ASIC2: variants seen among roughly 807,000 people sequenced by gnomAD.
The protein encoded by ASIC2 is acid sensing ion channel subunit 2, also known as acid-sensing ion channel 2.
In ASIC2, 25 loss-of-function variants were observed where a neutral mutation model predicts 57.3. That is an observed-to-expected ratio of 0.44 (90% CI 0.32 to 0.61). ASIC2 has a LOEUF of 0.61. ASIC2 is among the 20% of genes least tolerant of loss of function. ASIC2 has a pLI of 0.06. For missense variants in ASIC2, 641 were observed against 738.1 expected (o/e 0.87, Z 1.52); for synonymous variants, 319 against 307.5 (o/e 1.04, Z -0.39).
chr17:34,084,282 C>A (rs1464620483), intron 1 of ASIC2, among the ~76,000 whole-genome samples: 2 of 152,088 alleles, frequency 1.3e-5, no homozygotes, highest in African/African-American at 2.4e-5. Flanking sequence ...GTTTTCCCAG[C>A]ACCATTTATT....
intron 1 of ASIC2, among the ~76,000 whole-genome samples, chr17:34,030,815 C>G (rs1304106351): frequency 6.6e-6 from 1 of 152,170 alleles, no homozygotes; most frequent in African/African-American, 2.4e-5. Context: ...GGGAGGGGCA[C>G]CCGCAATTGC....
At chr17:33,552,028 T>C (rs1915767171) in intron 1 of ASIC2, among the ~76,000 whole-genome samples, 1 of 152,104 alleles carries the variant, frequency 6.6e-6, no homozygotes, top group Non-Finnish European at 1.5e-5. Flanking sequence ...CTTCAGACAG[T>C]CGGGATGGGC....
intron 1 of ASIC2, among the ~76,000 whole-genome samples, chr17:33,368,645 C>T (rs972047710): frequency 2.1e-4 from 32 of 152,198 alleles, no homozygotes; most frequent in African/African-American, 6.5e-4. Flanking sequence ...TTTCTACTTT[C>T]CATGTTACCA....
At chr17:33,519,289 G>A (rs377617873) in intron 1 of ASIC2, among the ~76,000 whole-genome samples, 46 of 152,274 alleles carry the variant, frequency 3.0e-4, no homozygotes, top group African/African-American at 1.0e-3. Flanking sequence ...GAAGCAGAGC[G>A]GCTCTGGTGG....
intron 1 of ASIC2, among the ~76,000 whole-genome samples, chr17:33,723,110 T>C (rs886752536): frequency 1.3e-5 from 2 of 152,166 alleles, no homozygotes; most frequent in African/African-American, 4.8e-5. Flanking sequence ...CAAAGCTGAA[T>C]ACTGAATACA....
intron 1 of ASIC2, among the ~76,000 whole-genome samples, chr17:33,469,471 A>G (rs1912970777): frequency 6.6e-6 from 1 of 152,212 alleles, no homozygotes; most frequent in African/African-American, 2.4e-5. Context: ...TCTAGCTTCC[A>G]GTTACTCCTA....
chr17:33,297,648 C>T (rs910712038), upstream of ASIC2, among the ~76,000 whole-genome samples: 1 of 151,866 alleles, frequency 6.6e-6, no homozygotes, highest in Non-Finnish European at 1.5e-5. Context: ...CATGGCAAAA[C>T]CCTGTCTCTA....
chr17:33,761,261 A>C (rs1390322677), intron 1 of ASIC2, among the ~76,000 whole-genome samples: 3 of 152,120 alleles, frequency 2.0e-5, no homozygotes, highest in Non-Finnish European at 4.4e-5. Flanking sequence ...GGATTGAGTA[A>C]TTTTTTTGTG....
At chr17:34,097,160 T>C (rs1052985058) in intron 1 of ASIC2, among the ~76,000 whole-genome samples, 4 of 152,182 alleles carry the variant, frequency 2.6e-5, no homozygotes, top group East Asian at 1.9e-4. Context: ...TTAGCACATA[T>C]TGAGGCCTCA....
chr17:33,218,779 G>A (rs1006740598), intron 1 of ASIC2, among the ~76,000 whole-genome samples: 2 of 152,090 alleles, frequency 1.3e-5, no homozygotes, highest in Non-Finnish European at 2.9e-5. Context: ...CGATCAGGTT[G>A]TTGCTCGGGG....
chr17:33,712,953 G>T (rs1020224232), intron 1 of ASIC2, among the ~76,000 whole-genome samples: 2 of 152,152 alleles, frequency 1.3e-5, no homozygotes, highest in African/African-American at 4.8e-5. Flanking sequence ...CCCTCATATG[G>T]CTTTTGGCAG....
chr17:33,103,014 A>T (rs1597578874), intron 2 of ASIC2, among the ~76,000 whole-genome samples: 1 of 152,112 alleles, frequency 6.6e-6, no homozygotes, highest in Non-Finnish European at 1.5e-5. Flanking sequence ...TGATCTCCTG[A>T]CCTCGTGATC....
At chr17:33,638,549 G>A (rs1007952049) in intron 1 of ASIC2, among the ~76,000 whole-genome samples, 1 of 151,812 alleles carries the variant, frequency 6.6e-6, no homozygotes, top group Non-Finnish European at 1.5e-5. Flanking sequence ...ATGAATGCAT[G>A]CCTGCCTAGT....
chr17:33,787,325 C>T (rs549710127), intron 1 of ASIC2, among the ~76,000 whole-genome samples: 2 of 152,288 alleles, frequency 1.3e-5, no homozygotes, highest in South Asian at 4.1e-4. Flanking sequence ...AGAGGCTCCA[C>T]CTGCTGAAGA....
At chr17:33,394,487 A>G (rs1034834524) in intron 1 of ASIC2, among the ~76,000 whole-genome samples, 2 of 152,228 alleles carry the variant, frequency 1.3e-5, no homozygotes, top group Non-Finnish European at 2.9e-5. Flanking sequence ...TCTATTGTGT[A>G]GCTAGGGTTG....
Position 34,020,196 on chromosome 17 carries a change from A to AT in ASIC2, c.555+135781dup, listed in dbSNP as rs201756563. Among the ~76,000 whole-genome samples, 1,338 of 152,308 alleles carry AT rather than the reference A, an allele frequency of 8.8e-3. 14 individuals are homozygous for AT. The highest frequency in any genetic ancestry group is 0.03 in the African/African-American group (1,266 of 41,568). On this transcript the variant is annotated intron_variant, in intron 1 of 9. Transcript: ENST00000359872. ...CCAAAGTCATTATTTTTATCAGTGT[A>AT]TTTTGCCCTGTTTTCCAGTATCTGG...
intron 1 of ASIC2, among the ~76,000 whole-genome samples, chr17:33,125,248 T>A (rs2092318762): frequency 6.6e-6 from 1 of 152,220 alleles, no homozygotes; most frequent in Admixed American, 6.5e-5. Flanking sequence ...TCTTGCATAT[T>A]TGACAAATAT....
Position 33,265,310 on chromosome 17 carries a change from T to C in ASIC2, c.708+26098A>G, listed in dbSNP as rs190597136. Among the ~76,000 whole-genome samples the C allele has an allele frequency of 4.2e-3, 636 of 152,322 alleles. 6 individuals are homozygous for C. Among genetic ancestry groups the C allele is most frequent in the African/African-American group, 0.014 (598 of 41,558 alleles). On this transcript the variant is annotated intron_variant, in intron 1 of 9. Transcript: ENST00000225823. ...AAGAAAATGTGGTACATATACACCATGGAATACTATGTAGCCATAAAAAGG... is the reference window on the plus strand; with the variant it reads ...AAGAAAATGTGGTACATATACACCACGGAATACTATGTAGCCATAAAAAGG...
intron 1 of ASIC2, among the ~76,000 whole-genome samples, chr17:33,548,904 AGGG>A (rs1343729474): frequency 6.6e-6 from 1 of 151,846 alleles, no homozygotes; most frequent in Non-Finnish European, 1.5e-5. Flanking sequence ...GACTTCTCAG[AGGG>A]CTTCCCTGAC....
Sources: allele counts gnomAD v4.1 joint callset (sites outside exome capture counted in the v4.1 genomes callset), GRCh38; gene constraint gnomAD v4.1.1; transcripts MANE v1.5; gene names NCBI Gene and HGNC (gene_info 2026-07-23, HGNC 2026-07-21).